BTBD10: variants seen among roughly 807,000 people sequenced by gnomAD.
BTBD10 encodes the protein BTB domain containing 10, also known as BTB/POZ domain-containing protein 10.
A neutral mutation model predicts 53.2 loss-of-function variants in BTBD10; 21 were observed. That is an observed-to-expected ratio of 0.39 (90% CI 0.28 to 0.57). The LOEUF is 0.57. Among genes scored for constraint, BTBD10 ranks in the 20% least tolerant of loss-of-function variants. The probability of loss-of-function intolerance (pLI) is 0.53; values close to 1 mark genes in which losing one functional copy is unlikely to be tolerated. For missense variants in BTBD10, 360 were observed against 594.7 expected (o/e 0.61, Z 4.10); for synonymous variants, 149 against 192.7 (o/e 0.77, Z 1.88).
intron 2 of BTBD10, among the ~76,000 whole-genome samples, chr11:13,426,093 A>C (rs1045811175): frequency 6.6e-6 from 1 of 152,168 alleles, no homozygotes; most frequent in Non-Finnish European, 1.5e-5. Context: ...TGGGAAGGAA[A>C]AAAGGGAAGT....
chr11:13,406,336 G>C (rs1949826263), intron 6 of BTBD10, among the ~76,000 whole-genome samples: 1 of 152,070 alleles, frequency 6.6e-6, no homozygotes, highest in African/African-American at 2.4e-5. Flanking sequence ...AGAAGTGAGA[G>C]AGCTGAAAGA....
intron 7 of BTBD10, 136 bp downstream of exon 7, chr11:13,405,523 C>T (rs1440652197): frequency 3.3e-6 from 3 of 914,094 alleles, no homozygotes; most frequent in South Asian, 1.7e-5. Context: ...ATAGGCAATA[C>T]ATAAAACTTA....
chr11:13,429,259 C>T (rs1378130861), intron 2 of BTBD10, among the ~76,000 whole-genome samples: 1 of 152,014 alleles, frequency 6.6e-6, no homozygotes, highest in African/African-American at 2.4e-5. Context: ...CAATGGAAAA[C>T]CAAGTAGGCT....
chr11:13,390,335 A>G (rs1206616686), intron 8 of BTBD10, among the ~76,000 whole-genome samples: 1 of 151,538 alleles, frequency 6.6e-6, no homozygotes, highest in Non-Finnish European at 1.5e-5. Flanking sequence ...TAAATGAATG[A>G]GCACGTGTAT....
chr11:13,413,316 A>G (rs1950006895), intron 6 of BTBD10, among the ~76,000 whole-genome samples: 1 of 152,220 alleles, frequency 6.6e-6, no homozygotes, highest in Non-Finnish European at 1.5e-5. Context: ...GTCAAAAAAG[A>G]AAATTATTAA....
intron 6 of BTBD10, 45 bp downstream of exon 6, chr11:13,413,485 T>C (rs367686902): frequency 1.7e-4 from 258 of 1,542,302 alleles, no homozygotes; most frequent in Non-Finnish European, 2.1e-4. Context: ...TGTTCCAATA[T>C]ATTCTAATTC....
chr11:13,430,928 G>A (rs947518089), intron 2 of BTBD10, among the ~76,000 whole-genome samples: 67 of 148,758 alleles, frequency 4.5e-4, no homozygotes, highest in African/African-American at 1.5e-3. Context: ...TGAGTGTGAT[G>A]TATATGCTCA....
intron 2 of BTBD10, among the ~76,000 whole-genome samples, chr11:13,422,802 C>A (rs1382616085): frequency 6.6e-6 from 1 of 152,166 alleles, no homozygotes; most frequent in African/African-American, 2.4e-5. Context: ...TTAAAACAGT[C>A]CAGCTTACAG....
At chr11:13,445,458 T>C (rs969963147) in intron 1 of BTBD10, among the ~76,000 whole-genome samples, 16 of 152,158 alleles carry the variant, frequency 1.1e-4, no homozygotes, top group African/African-American at 3.6e-4. Context: ...AACTACTGTA[T>C]AGGTACCTCA....
Position 13,445,034 on chromosome 11 carries a change from T to C in BTBD10, c.91A>G (p.Lys31Glu), listed in dbSNP as rs1443537059. Residue 31 changes from lysine to glutamate, a missense_variant, in exon 2 of 9, where the codon AAA becomes GAA. By Grantham distance (56) the Lys-to-Glu change is moderately conservative. This residue lies in a region of BTBD10 where 81 missense variants were observed against 82.6 expected (regional missense o/e 0.98). Transcript: ENST00000278174. ...ATATTTTCTACCTACCTTGAATGTT[T>C]ATAAAGTTTACGAGGTCTACTATGC... ...KLHSRPRKLY[K>E]HSSTSSRIAK... 1.2e-6 allele frequency: 2 copies of C among 1,608,556 alleles called. No individual in the cohort carries two copies. The highest frequency in any genetic ancestry group is 1.7e-5 in the Admixed American group (1 of 59,950).
intron 2 of BTBD10, among the ~76,000 whole-genome samples, chr11:13,442,148 G>T (rs748908193): frequency 1.2e-4 from 18 of 152,020 alleles, no homozygotes; most frequent in Admixed American, 3.9e-4. Flanking sequence ...TTATTTAAAA[G>T]AATAATAAAC....
chr11:13,450,775 A>G (rs1161219324), intron 1 of BTBD10, among the ~76,000 whole-genome samples: 4 of 152,224 alleles, frequency 2.6e-5, no homozygotes, highest in Non-Finnish European at 5.9e-5. Flanking sequence ...AACTTCTCGC[A>G]AACACAGCCA....
At position 13,418,419 on chromosome 11, in the gene BTBD10, C is replaced by T. The variant is rs1159028839; in HGVS notation, c.584+1041G>A. On this transcript the variant is annotated intron_variant, in intron 4 of 8. Transcript: ENST00000278174. ...CGTTTTTTTAAGAAAACATAACAGC[C>T]AAAATTTCAAATATCTACTTTTTTA... Among the ~76,000 whole-genome samples, 5 of 151,746 alleles carry T rather than the reference C, an allele frequency of 3.3e-5. No individual in the cohort carries two copies. The South Asian group carries it at 6.2e-4, about 19-fold the overall frequency.
chr11:13,417,328 T>C (rs1443911208), intron 4 of BTBD10, 68 bp from the exon 5 acceptor site: 2 of 1,154,906 alleles, frequency 1.7e-6, no homozygotes, highest in Non-Finnish European at 2.4e-6. Flanking sequence ...ATAGATTTCA[T>C]GTACAAAAGA....
intron 5 of BTBD10, among the ~76,000 whole-genome samples, chr11:13,416,376 CA>C (rs1220488293): frequency 6.6e-6 from 1 of 151,132 alleles, no homozygotes; most frequent in Non-Finnish European, 1.5e-5. Flanking sequence ...ACAACAACAA[CA>C]AAAAAAACCC....
At chr11:13,396,953 T>C (rs1424030338) in intron 8 of BTBD10, among the ~76,000 whole-genome samples, 3 of 152,236 alleles carry the variant, frequency 2.0e-5, no homozygotes, top group Admixed American at 6.5e-5. Context: ...CAGAATTTTA[T>C]TGAGGAGTTT....
At chr11:13,420,258 A>G (rs1950217464) in intron 3 of BTBD10, among the ~76,000 whole-genome samples, 2 of 152,188 alleles carry the variant, frequency 1.3e-5, no homozygotes, top group East Asian at 1.9e-4. Context: ...ATCTCAAAAA[A>G]AGAAGGTCCC....
chr11:13,399,641 G>A (rs558230419), intron 8 of BTBD10, among the ~76,000 whole-genome samples: 6 of 152,154 alleles, frequency 3.9e-5, no homozygotes, highest in African/African-American at 9.6e-5. Context: ...TAGAGTTTCC[G>A]GTTTTGCTGC....
chr11:13,439,149 C>G (rs904830038), intron 2 of BTBD10, among the ~76,000 whole-genome samples: 16 of 151,914 alleles, frequency 1.1e-4, no homozygotes, highest in African/African-American at 3.9e-4. Context: ...AATTAAGGAT[C>G]AGCAGGATAA....
Sources: gnomAD v4.1 joint callset for allele counts (sites outside exome capture counted in the v4.1 genomes callset) on GRCh38, gnomAD v4.1.1 for gene constraint, gnomAD v4.1.1 regional missense constraint, MANE v1.5 for transcripts, NCBI Gene and HGNC (gene_info 2026-07-23, HGNC 2026-07-21) for gene names.